Variants in ST8SIA2 observed in about 807,000 individuals in gnomAD.
ST8SIA2 encodes alpha-2,8-sialyltransferase 8B.
A neutral mutation model predicts 37.6 loss-of-function variants in ST8SIA2; 22 were observed. The observed-to-expected ratio is 0.58, with a 90% CI of 0.42 to 0.83. The LOEUF (loss-of-function observed/expected upper bound fraction) is 0.83, where lower values mean the gene tolerates loss of function less well. Ranked by LOEUF, ST8SIA2 falls within the 40% of genes least tolerant of loss-of-function variation. The probability of loss-of-function intolerance (pLI) is 0.00; values close to 1 mark genes in which losing one functional copy is unlikely to be tolerated. For synonymous variants in ST8SIA2, 205 were observed against 201.2 expected (o/e 1.02, Z -0.16); for missense variants, 382 against 484.7 (o/e 0.79, Z 1.99).
At chr15:92,452,168 T>C (rs1437983480) in intron 5 of ST8SIA2, among the ~76,000 whole-genome samples, 1 of 152,102 alleles carries the variant, frequency 6.6e-6, no homozygotes, top group East Asian at 1.9e-4. Context: ...ACTTTACTGC[T>C]CTAAAGCAGT....
At chr15:92,453,958 T>C (rs2049901353) in intron 5 of ST8SIA2, among the ~76,000 whole-genome samples, 1 of 152,168 alleles carries the variant, frequency 6.6e-6, no homozygotes, top group Admixed American at 6.5e-5. Flanking sequence ...TAAGATCATC[T>C]GAAATGGGCT....
At position 92,419,041 on chromosome 15, in the gene ST8SIA2, A is replaced by G. The variant is rs536752810; in HGVS notation, c.99-11008A>G. On this transcript the variant is annotated intron_variant, in intron 1 of 5. Transcript: ENST00000268164. ...AGGGGACATTTGCCTCCCCACTCCC[A>G]GAGAGAAGGTCTCTCCGGGGCCACG... Among the ~76,000 whole-genome samples the G allele has an allele frequency of 1.1e-3, 175 of 152,214 alleles. 1 individual carries two copies. The highest frequency in any genetic ancestry group is 4.1e-3 in the African/African-American group (172 of 41,556).
intron 3 of ST8SIA2, among the ~76,000 whole-genome samples, chr15:92,436,327 G>A (rs2141832895): frequency 6.6e-6 from 1 of 152,062 alleles, no homozygotes; most frequent in East Asian, 1.9e-4. Flanking sequence ...CCAACCATTG[G>A]ATAGAGAAAT....
intron 1 of ST8SIA2, among the ~76,000 whole-genome samples, chr15:92,407,689 G>A (rs1167458388): frequency 6.6e-6 from 1 of 152,184 alleles, no homozygotes; most frequent in Non-Finnish European, 1.5e-5. Context: ...GTGATGGAAG[G>A]CAAGTCTAGG....
At position 92,393,940 on chromosome 15, in the gene ST8SIA2, G is replaced by C. The variant is rs1208882007; in HGVS notation, c.-125G>C. ...CCGCTGCCGCCGCCGGCCCGGACTC[G>C]TCCGGAGCGCAGGGTGTCTGCCCAG... On this transcript the variant is annotated 5_prime_UTR_variant, in exon 1 of 6. Transcript: ENST00000268164. 4 of 426,616 alleles carry C rather than the reference G, an allele frequency of 9.4e-6. No individual in the cohort carries two copies. Among genetic ancestry groups the C allele is most frequent in the South Asian group, 7.9e-5 (1 of 12,700 alleles). The allele number at this position is 426,616 out of a possible 1,614,324, so 26.4% of individuals were successfully genotyped here.
At chr15:92,416,863 A>G (rs564205999) in intron 1 of ST8SIA2, among the ~76,000 whole-genome samples, 2 of 152,276 alleles carry the variant, frequency 1.3e-5, no homozygotes, top group South Asian at 4.2e-4. Flanking sequence ...CCATCCATGA[A>G]AGCTGCAGGG....
intron 1 of ST8SIA2, among the ~76,000 whole-genome samples, chr15:92,395,601 A>G (rs2049425195): frequency 6.6e-6 from 1 of 152,060 alleles, no homozygotes; most frequent in African/African-American, 2.4e-5. Flanking sequence ...GTTAATACAC[A>G]ACGTGCCACC....
At chr15:92,448,393 T>C (rs1462710300) in intron 5 of ST8SIA2, among the ~76,000 whole-genome samples, 1 of 152,196 alleles carries the variant, frequency 6.6e-6, no homozygotes, top group Admixed American at 6.5e-5. Context: ...TACCTGGTGT[T>C]CACTGCAAGT....
At chr15:92,433,944 T>TCTG (rs3034472) in intron 2 of ST8SIA2, among the ~76,000 whole-genome samples, 2 of 151,668 alleles carry the variant, frequency 1.3e-5, no homozygotes, top group East Asian at 1.9e-4. Context: ...TAAGAAATAT[T>TCTG]ACTCTTCTGA....
At chr15:92,401,460 C>T (rs1174595449) in intron 1 of ST8SIA2, among the ~76,000 whole-genome samples, 1 of 152,216 alleles carries the variant, frequency 6.6e-6, no homozygotes, top group East Asian at 1.9e-4. Context: ...CATGTTTTCT[C>T]AGCTTTGGCT....
intron 1 of ST8SIA2, among the ~76,000 whole-genome samples, chr15:92,424,917 A>G (rs998136858): frequency 6.6e-6 from 1 of 152,198 alleles, no homozygotes; most frequent in Non-Finnish European, 1.5e-5. Flanking sequence ...AAAGTCGTCA[A>G]CCTCTACCCT....
At chr15:92,427,940 G>A (rs1365174132) in intron 1 of ST8SIA2, among the ~76,000 whole-genome samples, 3 of 152,188 alleles carry the variant, frequency 2.0e-5, no homozygotes, top group Non-Finnish European at 4.4e-5. Flanking sequence ...GCACAATCAC[G>A]CCACTGCACT....
chr15:92,406,572 G>A (rs1456039799), intron 1 of ST8SIA2, among the ~76,000 whole-genome samples: 1 of 152,230 alleles, frequency 6.6e-6, no homozygotes, highest in African/African-American at 2.4e-5. Context: ...TGGTTTCCCT[G>A]CCTTCTACAG....
Position 92,464,744 on chromosome 15 carries a change from G to A in ST8SIA2, c.*359G>A, listed in dbSNP as rs2290492. ...TGCCTCCTGGCTTGGAGGGATCTTT[G>A]GGCTCATGGATGAATGGCGAGCCAC... On this transcript the variant is annotated 3_prime_UTR_variant, in exon 6 of 6. Coordinates refer to ENST00000268164, the MANE Select transcript of ST8SIA2 (RefSeq NM_006011.4). 50,952 of 280,630 alleles carry A rather than the reference G, an allele frequency of 0.18. 5,078 individuals are homozygous for A. Among genetic ancestry groups the A allele is most frequent in the African/African-American group, 0.21 (9,409 of 45,192 alleles). 17.4% of individuals were successfully genotyped at this position (280,630 alleles called of 1,614,324 possible).
Position 92,444,906 on chromosome 15 carries a change from G to T in ST8SIA2, c.819G>T (p.Leu273=), listed in dbSNP as rs1382564947. ...HVNVRTAYPS[L]RLLHAVRGYW... ...ACGTGCGCACTGCATACCCCTCGCT[G>T]CGCCTGCTGCACGCCGTTCGCGGGT... The change falls in exon 5 of 6, where the codon CTG becomes CTT. Residue 273 remains leucine (L), a synonymous_variant. Coordinates refer to ENST00000268164, the MANE Select transcript of ST8SIA2 (RefSeq NM_006011.4). 6.2e-7 allele frequency: 1 copy of T among 1,612,588 alleles called. No homozygotes were observed. Among genetic ancestry groups the T allele is most frequent in the Non-Finnish European group, 8.5e-7 (1 of 1,180,028 alleles).
intron 5 of ST8SIA2, among the ~76,000 whole-genome samples, chr15:92,458,663 C>G (rs1218405264): frequency 6.6e-6 from 1 of 152,182 alleles, no homozygotes; most frequent in Non-Finnish European, 1.5e-5. Flanking sequence ...CAGGAGCCCA[C>G]AGATCAGCGG....
intron 5 of ST8SIA2, among the ~76,000 whole-genome samples, chr15:92,452,176 A>C (rs2049886695): frequency 6.6e-6 from 1 of 152,162 alleles, no homozygotes; most frequent in African/African-American, 2.4e-5. Flanking sequence ...GCTCTAAAGC[A>C]GTGGTTCTTT....
In ST8SIA2 at chr15:92,465,051, A is replaced by T. The variant is rs1346675987; in HGVS notation, c.*666A>T. On this transcript the variant is annotated 3_prime_UTR_variant, in exon 6 of 6. Coordinates refer to ENST00000268164, the MANE Select transcript of ST8SIA2 (RefSeq NM_006011.4). ...GGCTATGGAGAGAAGGCTGGAGGAGACACAATGGATGGTTCATGTTCTGGC... is the reference window on the plus strand; with the variant it reads ...GGCTATGGAGAGAAGGCTGGAGGAGTCACAATGGATGGTTCATGTTCTGGC... The T allele has an allele frequency of 6.5e-6, 1 of 152,960 alleles. No individual in the cohort carries two copies. The allele number at this position is 152,960 out of a possible 1,614,324, so 9.5% of individuals were successfully genotyped here. A position where few individuals can be genotyped will look rare whatever the true frequency, so the allele number is the denominator to read the frequency against.
At position 92,454,676 on chromosome 15, in the gene ST8SIA2, C is replaced by T. The variant is rs1010522280; in HGVS notation, c.843-9424C>T. Among the ~76,000 whole-genome samples the T allele has an allele frequency of 2.6e-5, 4 of 151,734 alleles. 1 individual carries two copies. The highest frequency in any genetic ancestry group is 1.3e-4 in the Admixed American group (2 of 15,268). The stretch of plus-strand genomic sequence containing the variant: ...GCTCTCACCAGCAGCTGGCAGGGCC[C>T]GGCCTCTGGTGCCAACAAGGCGGGC... On this transcript the variant is annotated intron_variant, in intron 5 of 5. Transcript: ENST00000268164.
Sources: allele counts gnomAD v4.1 joint callset (sites outside exome capture counted in the v4.1 genomes callset), GRCh38; gene constraint gnomAD v4.1.1; transcripts MANE v1.5; gene names NCBI Gene and HGNC (gene_info 2026-07-23, HGNC 2026-07-21).